SPOCK1: variants seen among roughly 807,000 people sequenced by gnomAD.
The protein encoded by SPOCK1 is testican-1.
SPOCK1 carries 23 observed loss-of-function variants against 55.3 expected under a neutral mutation model. The ratio of observed to expected loss-of-function variants is 0.42; its 90% CI spans 0.30 to 0.59. The LOEUF (loss-of-function observed/expected upper bound fraction) is 0.59, where lower values mean the gene tolerates loss of function less well. SPOCK1 is among the 20% of genes least tolerant of loss of function. The pLI is 0.22. For synonymous variants in SPOCK1, 226 were observed against 221.0 expected (o/e 1.02, Z -0.20); for missense variants, 499 against 552.5 (o/e 0.90, Z 0.97).
rs1332265960 is a variant in SPOCK1 at position 137,231,932 on chromosome 5, C to T, written c.232+35078G>A. 2.6e-5 allele frequency among the ~76,000 whole-genome samples: 4 copies of T among 152,218 alleles called. No homozygotes were observed. The East Asian group carries it at 5.8e-4, about 22-fold the overall frequency. ...GGTGTCTAGTGATATCCCACTGTTA[C>T]ACTTTAACTTGCATTTCCCTGATGA... On this transcript the variant is annotated intron_variant, in intron 3 of 10. Transcript: ENST00000394945.
At chr5:136,980,381 A>G (rs1320165117) in intron 9 of SPOCK1, among the ~76,000 whole-genome samples, 2 of 152,196 alleles carry the variant, frequency 1.3e-5, no homozygotes, top group African/African-American at 4.8e-5. Flanking sequence ...CAAATTTACA[A>G]GTATGTTACT....
At chr5:137,467,549 T>C (rs760447391) in intron 2 of SPOCK1, among the ~76,000 whole-genome samples, 1 of 152,034 alleles carries the variant, frequency 6.6e-6, no homozygotes, top group South Asian at 2.1e-4. Flanking sequence ...ATAAAACAAA[T>C]CATCATTGAC....
At chr5:137,383,923 C>T (rs1007018107) in intron 2 of SPOCK1, among the ~76,000 whole-genome samples, 1 of 152,242 alleles carries the variant, frequency 6.6e-6, no homozygotes, top group Non-Finnish European at 1.5e-5. Flanking sequence ...ACCAAGGTCA[C>T]TGTTCTTTCA....
At chr5:137,134,475 C>A (rs1474730315) in intron 4 of SPOCK1, among the ~76,000 whole-genome samples, 1 of 152,182 alleles carries the variant, frequency 6.6e-6, no homozygotes, top group Non-Finnish European at 1.5e-5. Context: ...CTATCCAGAC[C>A]CAGAACACAG....
chr5:137,301,360 A>G (rs1757585776), intron 2 of SPOCK1, among the ~76,000 whole-genome samples: 1 of 152,222 alleles, frequency 6.6e-6, no homozygotes, highest in African/African-American at 2.4e-5. Context: ...TCATGACAAT[A>G]ATATTTGTGA....
At chr5:136,979,248 C>T (rs548006814) in intron 10 of SPOCK1, 84 bp downstream of exon 10, 3 of 1,572,828 alleles carry the variant, frequency 1.9e-6, no homozygotes, top group South Asian at 2.3e-5. Context: ...TACCTCTCAA[C>T]ATTCTTCTGC....
intron 2 of SPOCK1, among the ~76,000 whole-genome samples, chr5:137,386,306 C>T (rs1000285811): frequency 2.0e-5 from 3 of 152,184 alleles, no homozygotes; most frequent in Non-Finnish European, 4.4e-5. Context: ...CCAACTTGAT[C>T]TGGAGATTTA....
intron 2 of SPOCK1, among the ~76,000 whole-genome samples, chr5:137,339,194 T>C (rs961010668): frequency 3.9e-5 from 6 of 152,238 alleles, no homozygotes; most frequent in Admixed American, 2.0e-4. Flanking sequence ...TCCCTTTCTA[T>C]AGGTTCCTTT....
At chr5:137,169,692 G>A (rs1161546462) in intron 3 of SPOCK1, among the ~76,000 whole-genome samples, 5 of 152,152 alleles carry the variant, frequency 3.3e-5, no homozygotes, top group Non-Finnish European at 7.4e-5. Flanking sequence ...GAAAATACAG[G>A]TGGTTTCACA....
chr5:137,216,820 G>A (rs996063956), intron 3 of SPOCK1, among the ~76,000 whole-genome samples: 2 of 152,246 alleles, frequency 1.3e-5, no homozygotes, highest in Non-Finnish European at 2.9e-5. Flanking sequence ...GGTCGGGGGT[G>A]TGTTGTGAAA....
intron 2 of SPOCK1, among the ~76,000 whole-genome samples, chr5:137,385,194 C>A (rs1308779914): frequency 6.6e-6 from 1 of 152,152 alleles, no homozygotes; most frequent in Admixed American, 6.5e-5. Flanking sequence ...CACTCTAGAT[C>A]ACAATCACCT....
At chr5:137,097,064 T>A (rs537473646) in intron 5 of SPOCK1, among the ~76,000 whole-genome samples, 1 of 152,328 alleles carries the variant, frequency 6.6e-6, no homozygotes, top group South Asian at 2.1e-4. Context: ...ATGTGCATAG[T>A]ATGGCAGGTG....
intron 3 of SPOCK1, among the ~76,000 whole-genome samples, chr5:137,242,412 A>G (rs1756300767): frequency 6.6e-6 from 1 of 152,194 alleles, no homozygotes; most frequent in Non-Finnish European, 1.5e-5. Flanking sequence ...GCCACCATGT[A>G]AGACTTGCCT....
chr5:137,312,885 C>T (rs746796828), intron 2 of SPOCK1, among the ~76,000 whole-genome samples: 3 of 152,176 alleles, frequency 2.0e-5, no homozygotes, highest in Non-Finnish European at 4.4e-5. Context: ...AGACTAAATG[C>T]TACTGGAGGA....
intron 2 of SPOCK1, among the ~76,000 whole-genome samples, chr5:137,268,495 A>G (rs557993439): frequency 6.6e-6 from 1 of 152,318 alleles, no homozygotes; most frequent in Non-Finnish European, 1.5e-5. Flanking sequence ...CCCATTTATA[A>G]GTTTAAATAC....
chr5:136,989,575 G>C (rs1359650597), intron 7 of SPOCK1, among the ~76,000 whole-genome samples: 1 of 152,120 alleles, frequency 6.6e-6, no homozygotes, highest in Non-Finnish European at 1.5e-5. Context: ...CCTTGTAACA[G>C]TCCTATGAAA....
chr5:137,012,756 A>G (rs1275145279), intron 6 of SPOCK1, among the ~76,000 whole-genome samples: 1 of 152,224 alleles, frequency 6.6e-6, no homozygotes, highest in Non-Finnish European at 1.5e-5. Context: ...ATTTTCTGTA[A>G]TACTTAAGTC....
In SPOCK1 at chr5:137,321,055, G is replaced by T. The variant is rs150787007; in HGVS notation, c.187-54000C>A. 1.1e-3 allele frequency among the ~76,000 whole-genome samples: 170 copies of T among 152,134 alleles called. 3 individuals carry two copies. The highest frequency in any genetic ancestry group is 3.8e-3 in the African/African-American group (159 of 41,524). ...TGAAAAAGAGTATTTTTTAACCAAA[G>T]AAATTTGTGACCTGAAGAACACAAA... On this transcript the variant is annotated intron_variant, in intron 2 of 10. Transcript: ENST00000394945.
intron 5 of SPOCK1, among the ~76,000 whole-genome samples, chr5:137,107,463 T>C (rs1753391140): frequency 6.6e-6 from 1 of 152,222 alleles, no homozygotes; most frequent in Non-Finnish European, 1.5e-5. Flanking sequence ...CTTCCATTTG[T>C]CAATTCCCTG....
Sources: gnomAD v4.1 joint callset for allele counts (sites outside exome capture counted in the v4.1 genomes callset) on GRCh38, gnomAD v4.1.1 for gene constraint, MANE v1.5 for transcripts, NCBI Gene and HGNC (gene_info 2026-07-23, HGNC 2026-07-21) for gene names.